CYP3A7: variants seen among roughly 807,000 people sequenced by gnomAD.
CYP3A7 encodes cytochrome P450 family 3 subfamily A member 7.
In CYP3A7, 45 loss-of-function variants were observed where a neutral mutation model predicts 55.2. The ratio of observed to expected loss-of-function variants is 0.82; its 90% CI spans 0.64 to 1.05. The LOEUF (loss-of-function observed/expected upper bound fraction) is 1.05, where lower values mean the gene tolerates loss of function less well. Ranked by LOEUF, CYP3A7 falls within the 50% of genes least tolerant of loss-of-function variation. CYP3A7 has a pLI of 0.00. For missense variants in CYP3A7, 548 were observed against 605.3 expected, an observed-to-expected ratio of 0.91 and a Z score of 0.99; for synonymous variants, 180 against 207.4, an observed-to-expected ratio of 0.87 and a Z score of 1.13.
chr7:99,722,399 C>G, intron 2 of CYP3A7, 51 bp from the exon 3 acceptor site: 1 of 1,600,330 alleles, frequency 6.2e-7, no homozygotes, highest in Non-Finnish European at 8.5e-7. Flanking sequence ...GTGTACTTAA[C>G]CCTGCCTCTA....
chr7:99,730,253 C>A (rs1448389064), intron 2 of CYP3A7, among the ~76,000 whole-genome samples: 3 of 152,202 alleles, frequency 2.0e-5, no homozygotes, highest in Non-Finnish European at 4.4e-5. Context: ...TTTGTCAAAT[C>A]ATCCCCTTTC....
intron 11 of CYP3A7, among the ~76,000 whole-genome samples, chr7:99,708,811 G>A (rs557033782): frequency 6.6e-6 from 1 of 152,216 alleles, no homozygotes; most frequent in African/African-American, 2.4e-5. Flanking sequence ...ACATAATTGA[G>A]GACCTTCATC....
chr7:99,732,042 A>G (rs1010619970), intron 1 of CYP3A7, among the ~76,000 whole-genome samples: 1 of 152,160 alleles, frequency 6.6e-6, no homozygotes, highest in Non-Finnish European at 1.5e-5. Flanking sequence ...GCCCCTACCC[A>G]AATCTCATGT....
At position 99,710,829 on chromosome 7, in the gene CYP3A7, G is replaced by T. The variant is rs61737520; in HGVS notation, c.929C>A (p.Thr310Lys). The T allele has an allele frequency of 6.0e-5, 97 of 1,613,834 alleles. No homozygotes were observed. The African/African-American group carries it at 1.2e-3, about 19-fold the overall frequency. The change falls in exon 10 of 13, where the codon ACG becomes AAG. Residue 310 changes from threonine (T) to lysine (K), a missense_variant. Coordinates refer to ENST00000336374, the MANE Select transcript of CYP3A7 (RefSeq NM_000765.5). ...TATAATGAAGGAGAGAACACTGCTC[G>T]TGGTTTCATAGCCAGCAAAAATAAA... ...IIFIFAGYET[T>K]SSVLSFIIYE...
At chr7:99,715,708 C>A in intron 7 of CYP3A7, 50 bp downstream of exon 7, 1 of 1,612,576 alleles carries the variant, frequency 6.2e-7, no homozygotes, top group South Asian at 1.1e-5. Context: ...CTCAATAAAG[C>A]AGTTATTTTT....
rs45466796 is a variant in CYP3A7, at chr7:99,720,370, G to A, written c.261C>T (p.Pro87=). Residue 87 remains proline (P), a synonymous_variant, in exon 4 of 13, where the codon CCC becomes CCT. Transcript: ENST00000336374. ...CQQPMLAITD[P]DMIKTVLVKE... ...TCACTAGCACTGTTTTGATCATGTC[G>A]GGATCTGTGATAGCCAGCATAGGCT... The A allele has an allele frequency of 3.4e-3, 5,467 of 1,613,676 alleles. 154 individuals are homozygous for A. In the African/African-American group the frequency reaches 0.065, roughly 19 times the overall value.
Position 99,707,811 on chromosome 7 carries a change from C to T in CYP3A7, c.1416+1G>A. The T allele has an allele frequency of 6.2e-7, 1 of 1,613,698 alleles. No homozygotes were observed. The highest frequency in any genetic ancestry group is 1.7e-4 in the Middle Eastern group (1 of 6,060). ...ATTATTAATGCAGAAAATTGACTGACCTGTGTTTCTTTACAAGGTTTGAAG... is the reference window on the plus strand; with the variant it reads ...ATTATTAATGCAGAAAATTGACTGATCTGTGTTTCTTTACAAGGTTTGAAG... On this transcript the variant is annotated splice_donor_variant, in intron 12 of 12. Coordinates refer to ENST00000336374, the MANE Select transcript of CYP3A7 (RefSeq NM_000765.5). LOFTEE classifies it high-confidence loss of function.
chr7:99,728,975 G>T (rs1374555603), intron 2 of CYP3A7, among the ~76,000 whole-genome samples: 1 of 152,118 alleles, frequency 6.6e-6, no homozygotes, highest in African/African-American at 2.4e-5. Context: ...TGAAAAAGGA[G>T]TACTCTATAT....
At chr7:99,717,450 T>TA in intron 5 of CYP3A7, 76 bp downstream of exon 5, 1 of 1,596,096 alleles carries the variant, frequency 6.3e-7, no homozygotes, top group Non-Finnish European at 8.6e-7. Flanking sequence ...GGAAAGGAAC[T>TA]CTGATCTTAC....
intron 5 of CYP3A7, 120 bp downstream of exon 5, chr7:99,717,406 T>A: frequency 6.3e-7 from 1 of 1,586,628 alleles, no homozygotes; most frequent in Non-Finnish European, 8.6e-7. Context: ...AAAAGACTAT[T>A]TTTAGGAAGC....
At position 99,731,063 on chromosome 7, in the gene CYP3A7, C is replaced by T. The variant is rs775413195; in HGVS notation, c.161G>A (p.Arg54His). ...LPFLGNALSF[R>H]KGYWTFDMEC... is the part of the protein sequence containing the mutation. ...AGGAAGCTCAAAAACACTCACCTTA[C>T]GGAAGGACAAAGCATTTCCCAAAAA... Residue 54 changes from arginine to histidine, a missense_variant, in exon 2 of 13, where the codon CGT becomes CAT. Transcript: ENST00000336374. 47 of 1,613,634 alleles carry T rather than the reference C, an allele frequency of 2.9e-5. No homozygotes were observed. Among genetic ancestry groups the T allele is most frequent in the South Asian group, 1.8e-4 (16 of 91,072 alleles).
rs773380240 is a variant in CYP3A7, at chr7:99,705,479, A to G, written c.*21T>C. On this transcript the variant is annotated 3_prime_UTR_variant, in exon 13 of 13. Transcript: ENST00000336374. Reference sequence around the variant, plus strand: ...TGGGGCACAGCTTTCTTAAAGAGCAAACCAGAAGTCCTTAGGGAAATCAGG... The same window carrying G: ...TGGGGCACAGCTTTCTTAAAGAGCAGACCAGAAGTCCTTAGGGAAATCAGG... The G allele has an allele frequency of 6.2e-7, 1 of 1,612,460 alleles. No individual in the cohort carries two copies. Among genetic ancestry groups the G allele is most frequent in the Non-Finnish European group, 8.5e-7 (1 of 1,178,792 alleles).
chr7:99,734,966 C>A lies in CYP3A7; in HGVS notation c.71+57G>T, dbSNP rs1199153402. ...CAAAACAGATAAGGGAAAGAGAGGC[C>A]TGATTAGCACCCCAAGTCCAAGGAA... On this transcript the variant is annotated intron_variant, in intron 1 of 12. Transcript: ENST00000336374. The A allele has an allele frequency of 4.3e-6, 7 of 1,612,320 alleles. No individual in the cohort carries two copies. The Admixed American group carries it at 1.2e-4, about 27-fold the overall frequency.
intron 1 of CYP3A7, among the ~76,000 whole-genome samples, chr7:99,733,265 T>C (rs1434493016): frequency 6.6e-6 from 1 of 152,210 alleles, no homozygotes; most frequent in Non-Finnish European, 1.5e-5. Context: ...CAGGACAAAC[T>C]ATTGAGTTAA....
intron 1 of CYP3A7, 124 bp downstream of exon 1, chr7:99,734,899 G>T (rs1358415938): frequency 6.9e-7 from 1 of 1,447,444 alleles, no homozygotes; most frequent in Admixed American, 1.7e-5. Flanking sequence ...GGGATGACAG[G>T]TGTGAGCCAC....
intron 11 of CYP3A7, 139 bp from the exon 12 acceptor site, chr7:99,708,113 G>A: frequency 8.5e-7 from 1 of 1,180,454 alleles, no homozygotes; most frequent in South Asian, 1.4e-5. Flanking sequence ...CTGAAATCCT[G>A]CTATGCATAT....
At chr7:99,718,811 A>G (rs981071973) in intron 4 of CYP3A7, among the ~76,000 whole-genome samples, 3 of 152,258 alleles carry the variant, frequency 2.0e-5, no homozygotes, top group East Asian at 1.9e-4. Context: ...GCAAGGTTCT[A>G]TGATACAAGA....
At chr7:99,719,437 G>A (rs973792096) in intron 4 of CYP3A7, among the ~76,000 whole-genome samples, 5 of 152,110 alleles carry the variant, frequency 3.3e-5, no homozygotes, top group Admixed American at 2.0e-4. Flanking sequence ...AAAAATGAAC[G>A]TTGATCTAAA....
At chr7:99,720,193 G>A (rs1225294204) in intron 4 of CYP3A7, 120 bp downstream of exon 4, 4 of 1,237,480 alleles carry the variant, frequency 3.2e-6, no homozygotes, top group Non-Finnish European at 4.6e-6. Flanking sequence ...TGGGCAGGAT[G>A]AAGTGTACAT....
Sources: gnomAD v4.1 joint callset for allele counts (sites outside exome capture counted in the v4.1 genomes callset) on GRCh38, gnomAD v4.1.1 for gene constraint, MANE v1.5 for transcripts, NCBI Gene and HGNC (gene_info 2026-07-23, HGNC 2026-07-21) for gene names.